RBMS1: variants seen among roughly 807,000 people sequenced by gnomAD.
The protein encoded by RBMS1 is RNA-binding motif, single-stranded-interacting protein 1.
In RBMS1, 17 loss-of-function variants were observed where a neutral mutation model predicts 62.3. The observed-to-expected ratio is 0.27, with a 90% confidence interval of 0.19 to 0.41. The LOEUF (loss-of-function observed/expected upper bound fraction) is 0.41. Ranked by LOEUF, RBMS1 falls within the 10% of genes least tolerant of loss-of-function variation. The pLI is 1.00. For synonymous variants in RBMS1, 172 were observed against 170.0 expected (o/e 1.01, Z -0.09); for missense variants, 334 against 504.5 (o/e 0.66, Z 3.24).
At position 160,272,639 on chromosome 2, in the gene RBMS1, C is replaced by T. The variant is rs781372175; in HGVS notation, c.*2133G>A. 1 of 152,074 alleles carries T rather than the reference C, an allele frequency of 6.6e-6. No homozygotes were observed. The highest frequency in any genetic ancestry group is 1.9e-4 in the East Asian group (1 of 5,194). 9.4% of individuals were successfully genotyped at this position (152,074 alleles called of 1,614,324 possible). A position where few individuals can be genotyped will look rare whatever the true frequency, so the allele number is the denominator to read the frequency against. On this transcript the variant is annotated 3_prime_UTR_variant, in exon 14 of 14. Transcript: ENST00000348849. ...CAAAAATATCAAGTAGTGAGAGACCCAGGTTTATAACTGTACTAGGTACAC... is the reference window on the plus strand; with the variant it reads ...CAAAAATATCAAGTAGTGAGAGACCTAGGTTTATAACTGTACTAGGTACAC...
intron 1 of RBMS1, among the ~76,000 whole-genome samples, chr2:160,445,060 G>T (rs1366860062): frequency 2.6e-5 from 4 of 152,040 alleles, no homozygotes; most frequent in Admixed American, 2.6e-4. Flanking sequence ...TCCAAATAAG[G>T]GGAGAATCAG....
At chr2:160,341,426 G>A (rs573385314) in intron 2 of RBMS1, among the ~76,000 whole-genome samples, 3 of 152,070 alleles carry the variant, frequency 2.0e-5, no homozygotes, top group Non-Finnish European at 2.9e-5. Flanking sequence ...CCTGAGTCCC[G>A]GCACTTTCAT....
intron 1 of RBMS1, among the ~76,000 whole-genome samples, chr2:160,426,292 AAGAAAGAAG>A (rs1559537430): frequency 5.4e-3 from 481 of 88,486 alleles, no homozygotes; most frequent in African/African-American, 0.014. Context: ...AAAGAAAGAA[AAGAAAGAAG>A]GAAGGAAGGA....
At chr2:160,422,768 T>A (rs1696485099) in intron 1 of RBMS1, among the ~76,000 whole-genome samples, 1 of 152,160 alleles carries the variant, frequency 6.6e-6, no homozygotes, top group Admixed American at 6.5e-5. Flanking sequence ...TTCACCAGAT[T>A]TTTCTATTCC....
intron 2 of RBMS1, among the ~76,000 whole-genome samples, chr2:160,357,993 T>G (rs1351561709): frequency 6.6e-6 from 1 of 152,186 alleles, no homozygotes; most frequent in African/African-American, 2.4e-5. Context: ...AAAGAAGTAC[T>G]GTACATAAAG....
At chr2:160,398,314 G>A (rs1390968102) in intron 1 of RBMS1, among the ~76,000 whole-genome samples, 1 of 152,160 alleles carries the variant, frequency 6.6e-6, no homozygotes, top group Non-Finnish European at 1.5e-5. Context: ...GATATTAAAG[G>A]TGACTGTATA....
intron 2 of RBMS1, among the ~76,000 whole-genome samples, chr2:160,322,569 C>T (rs924920550): frequency 3.9e-5 from 6 of 152,174 alleles, no homozygotes; most frequent in African/African-American, 1.2e-4. Flanking sequence ...ACATCAGAAA[C>T]GGATTCCACT....
intron 2 of RBMS1, among the ~76,000 whole-genome samples, chr2:160,348,423 T>G (rs1240483617): frequency 6.6e-6 from 1 of 152,138 alleles, no homozygotes; most frequent in Non-Finnish European, 1.5e-5. Flanking sequence ...ACAGCCTGTC[T>G]TGTTTTAGAA....
chr2:160,296,026 T>TAA (rs1688917892), intron 6 of RBMS1, among the ~76,000 whole-genome samples: 1 of 152,186 alleles, frequency 6.6e-6, no homozygotes, highest in African/African-American at 2.4e-5. Flanking sequence ...GGGGCCCTGC[T>TAA]CGTGCAAAGG....
intron 1 of RBMS1, among the ~76,000 whole-genome samples, chr2:160,389,007 C>T (rs796143471): frequency 6.6e-6 from 1 of 152,198 alleles, no homozygotes; most frequent in African/African-American, 2.4e-5. Context: ...CTTTAGTTGA[C>T]GTGATTGTTT....
chr2:160,359,780 C>G (rs751480219), intron 2 of RBMS1, among the ~76,000 whole-genome samples: 1 of 152,062 alleles, frequency 6.6e-6, no homozygotes, highest in African/African-American at 2.4e-5. Context: ...GTAATAAAAG[C>G]GATGATTATT....
chr2:160,383,691 G>C (rs1340042161), intron 1 of RBMS1, among the ~76,000 whole-genome samples: 1 of 152,000 alleles, frequency 6.6e-6, no homozygotes, highest in Non-Finnish European at 1.5e-5. Flanking sequence ...ATACATTATT[G>C]TTAACTATAG....
intron 1 of RBMS1, among the ~76,000 whole-genome samples, chr2:160,440,301 C>T (rs529229883): frequency 2.0e-5 from 3 of 152,070 alleles, no homozygotes; most frequent in Non-Finnish European, 4.4e-5. Context: ...TGAGGCAGGA[C>T]CCAACATCCC....
intron 3 of RBMS1, among the ~76,000 whole-genome samples, chr2:160,317,792 T>C (rs781307600): frequency 5.3e-5 from 8 of 152,212 alleles, no homozygotes; most frequent in Non-Finnish European, 1.0e-4. Context: ...TGTAATCTTT[T>C]CAGTTCTTTA....
At chr2:160,314,717 A>T (rs559814117) in intron 3 of RBMS1, among the ~76,000 whole-genome samples, 57 of 152,350 alleles carry the variant, frequency 3.7e-4, no homozygotes, top group African/African-American at 1.3e-3. Context: ...TTGGGCTGAA[A>T]TAAGGCTTAA....
At chr2:160,483,271 G>A (rs1685445494) in intron 1 of RBMS1, among the ~76,000 whole-genome samples, 1 of 152,154 alleles carries the variant, frequency 6.6e-6, no homozygotes, top group African/African-American at 2.4e-5. Flanking sequence ...ATGGTTATAA[G>A]TAATTTTCAA....
At chr2:160,313,065 G>C (rs900968788) in intron 4 of RBMS1, 91 bp downstream of exon 4, 8 of 1,220,976 alleles carry the variant, frequency 6.6e-6, no homozygotes, top group Admixed American at 1.9e-5. Flanking sequence ...GGATGAAGGG[G>C]AGATTACAGA....
At chr2:160,293,285 T>A (rs1023873300) in intron 6 of RBMS1, among the ~76,000 whole-genome samples, 1 of 152,172 alleles carries the variant, frequency 6.6e-6, no homozygotes, top group Non-Finnish European at 1.5e-5. Flanking sequence ...CTACCTGGCA[T>A]AGGACAATGC....
chr2:160,400,780 T>C (rs1295659091), intron 1 of RBMS1, among the ~76,000 whole-genome samples: 1 of 152,134 alleles, frequency 6.6e-6, no homozygotes, highest in East Asian at 1.9e-4. Context: ...AAAGTATCTG[T>C]CAGAAACAAG....
Sources: allele counts gnomAD v4.1 joint callset (sites outside exome capture counted in the v4.1 genomes callset), GRCh38; gene constraint gnomAD v4.1.1; transcripts MANE v1.5; gene names NCBI Gene and HGNC (gene_info 2026-07-23, HGNC 2026-07-21).